SH3GL2: variants seen among roughly 807,000 people sequenced by gnomAD.
The protein encoded by SH3GL2 is SH3 domain containing GRB2 like 2, endophilin A1.
Under a neutral mutation model 46.0 loss-of-function variants are expected in SH3GL2, and 24 were observed. That is an observed-to-expected ratio of 0.52 (90% CI 0.38 to 0.73). The LOEUF is 0.73. Ranked by LOEUF, SH3GL2 falls within the 30% of genes least tolerant of loss-of-function variation. The probability of loss-of-function intolerance (pLI) is 0.00; values close to 1 mark genes in which losing one functional copy is unlikely to be tolerated. For missense variants in SH3GL2, 413 were observed against 424.2 expected (o/e 0.97, Z 0.23); for synonymous variants, 196 against 147.1 (o/e 1.33, Z -2.40).
intron 3 of SH3GL2, among the ~76,000 whole-genome samples, chr9:17,781,927 C>T (rs1057380275): frequency 6.6e-6 from 1 of 152,114 alleles, no homozygotes; most frequent in Non-Finnish European, 1.5e-5. Flanking sequence ...CACCCACACT[C>T]TGCCTCACAG....
At chr9:17,650,559 A>T (rs1157313304) in intron 1 of SH3GL2, among the ~76,000 whole-genome samples, 1 of 151,766 alleles carries the variant, frequency 6.6e-6, no homozygotes, top group Non-Finnish European at 1.5e-5. Flanking sequence ...TTTAGTAGAG[A>T]CAGGGTTTCA....
At chr9:17,592,740 A>G (rs552212051) in intron 1 of SH3GL2, among the ~76,000 whole-genome samples, 3 of 152,086 alleles carry the variant, frequency 2.0e-5, no homozygotes, top group African/African-American at 7.3e-5. Context: ...TCACAGAAAA[A>G]AAACCTCTAA....
chr9:17,584,755 T>C (rs1230278556), intron 1 of SH3GL2, among the ~76,000 whole-genome samples: 1 of 152,124 alleles, frequency 6.6e-6, no homozygotes, highest in African/African-American at 2.4e-5. Flanking sequence ...ATGTTGTTAA[T>C]GCGCTTGAAG....
At chr9:17,669,598 A>G (rs1471566905) in intron 1 of SH3GL2, among the ~76,000 whole-genome samples, 4 of 152,178 alleles carry the variant, frequency 2.6e-5, no homozygotes, top group Non-Finnish European at 5.9e-5. Flanking sequence ...AAATTATTGC[A>G]TGTTTATTGT....
intron 1 of SH3GL2, among the ~76,000 whole-genome samples, chr9:17,704,376 T>G (rs778479815): frequency 6.6e-6 from 1 of 152,118 alleles, no homozygotes; most frequent in African/African-American, 2.4e-5. Context: ...CAAAGCAATT[T>G]ACAGATTTAA....
intron 1 of SH3GL2, 24 bp from the exon 2 acceptor site, chr9:17,747,042 C>T (rs772017141): frequency 3.3e-6 from 5 of 1,508,550 alleles, no homozygotes; most frequent in Admixed American, 1.8e-5. Context: ...TATAATAATT[C>T]TCCTTTGTGG....
chr9:17,678,969 C>T (rs1486614065), intron 1 of SH3GL2, among the ~76,000 whole-genome samples: 3 of 152,124 alleles, frequency 2.0e-5, no homozygotes, highest in African/African-American at 7.2e-5. Context: ...TCTGAGGCCT[C>T]TGTTCTGTTC....
At chr9:17,628,077 A>G (rs977971023) in intron 1 of SH3GL2, among the ~76,000 whole-genome samples, 2 of 152,208 alleles carry the variant, frequency 1.3e-5, no homozygotes, top group Non-Finnish European at 2.9e-5. Flanking sequence ...GGTACAAAAT[A>G]TTAAATATCT....
intron 1 of SH3GL2, among the ~76,000 whole-genome samples, chr9:17,643,953 G>A (rs183070234): frequency 6.6e-6 from 1 of 152,128 alleles, no homozygotes; most frequent in East Asian, 1.9e-4. Context: ...CTGTGAATTC[G>A]TCTGGTCCTG....
intron 1 of SH3GL2, among the ~76,000 whole-genome samples, chr9:17,606,084 GGTTT>G (rs4007673): frequency 6.2e-5 from 9 of 145,520 alleles, no homozygotes; most frequent in East Asian, 2.0e-4. Flanking sequence ...ACTTGCGTGA[GGTTT>G]GTTTGTTTGT....
intron 1 of SH3GL2, among the ~76,000 whole-genome samples, chr9:17,646,981 C>A (rs1355229297): frequency 1.3e-5 from 2 of 152,108 alleles, no homozygotes; most frequent in African/African-American, 4.8e-5. Context: ...CCACAGCCAC[C>A]CCTTCCCCCA....
chr9:17,674,573 T>A (rs1207534986), intron 1 of SH3GL2, among the ~76,000 whole-genome samples: 1 of 152,072 alleles, frequency 6.6e-6, no homozygotes, highest in African/African-American at 2.4e-5. Flanking sequence ...AATGAACATG[T>A]TATTTGTTCA....
chr9:17,659,918 C>T (rs1401624374), intron 1 of SH3GL2, among the ~76,000 whole-genome samples: 2 of 152,136 alleles, frequency 1.3e-5, no homozygotes, highest in Non-Finnish European at 2.9e-5. Flanking sequence ...CTGGAATTTA[C>T]TAATATCTGA....
rs192907186 is a variant in SH3GL2 at position 17,650,612 on chromosome 9, C to T, written c.45+71325C>T. 3.3e-3 allele frequency among the ~76,000 whole-genome samples: 506 copies of T among 152,322 alleles called. 3 individuals are homozygous for T. The highest frequency in any genetic ancestry group is 4.5e-3 in the Non-Finnish European group (309 of 68,028). ...GACCTCCTGATCCGCCCGCTTCAGC[C>T]TCCCAAAGTGCTGGGATTACAGGCG... On this transcript the variant is annotated intron_variant, in intron 1 of 8. Transcript: ENST00000380607.
intron 1 of SH3GL2, among the ~76,000 whole-genome samples, chr9:17,691,880 C>T (rs1253747377): frequency 6.6e-6 from 1 of 152,094 alleles, no homozygotes; most frequent in East Asian, 1.9e-4. Flanking sequence ...TCCACATAAA[C>T]TGCCTGATGT....
intron 3 of SH3GL2, among the ~76,000 whole-genome samples, chr9:17,761,986 A>G (rs1823188220): frequency 6.6e-6 from 1 of 152,184 alleles, no homozygotes; most frequent in Non-Finnish European, 1.5e-5. Context: ...ATTCTTCTCC[A>G]AGCACATCAC....
intron 1 of SH3GL2, among the ~76,000 whole-genome samples, chr9:17,597,359 A>G (rs1818591817): frequency 6.6e-6 from 1 of 152,120 alleles, no homozygotes; most frequent in Non-Finnish European, 1.5e-5. Context: ...GTGCTAAAAT[A>G]CAAAAAAATT....
intron 1 of SH3GL2, among the ~76,000 whole-genome samples, chr9:17,698,261 G>A (rs1821257934): frequency 6.6e-6 from 1 of 152,136 alleles, no homozygotes; most frequent in African/African-American, 2.4e-5. Context: ...CTAAAACAAG[G>A]CACCTTCTGC....
Position 17,586,545 on chromosome 9 carries a change from TAAAGG to T in SH3GL2, c.45+7263_45+7267del, listed in dbSNP as rs554657259. Among the ~76,000 whole-genome samples, 272 of 152,236 alleles carry T rather than the reference TAAAGG, an allele frequency of 1.8e-3. 1 individual carries two copies. Among genetic ancestry groups the T allele is most frequent in the African/African-American group, 6.2e-3 (257 of 41,530 alleles). On this transcript the variant is annotated intron_variant, in intron 1 of 8. Transcript: ENST00000380607. ...GGCATACCCGAGACTGGGTAATTTA[TAAAGG>T]AAAGAGGTGTAATTGACTCACAGTT... is the stretch of plus-strand genomic sequence containing the variant.
Sources: allele counts gnomAD v4.1 joint callset (sites outside exome capture counted in the v4.1 genomes callset), GRCh38; gene constraint gnomAD v4.1.1; transcripts MANE v1.5; gene names NCBI Gene and HGNC (gene_info 2026-07-23, HGNC 2026-07-21).